Variants in CHCHD10 observed in about 807,000 individuals in gnomAD.
The protein encoded by CHCHD10 is coiled-coil-helix-coiled-coil-helix domain containing 10.
A neutral mutation model predicts 14.8 loss-of-function variants in CHCHD10; 10 were observed. The ratio of observed to expected loss-of-function variants is 0.67; its 90% CI spans 0.42 to 1.14. The LOEUF is 1.14. Among genes scored for constraint, CHCHD10 ranks in the 50% most tolerant of loss-of-function variants. The pLI is 0.00. For synonymous variants in CHCHD10, 90 were observed against 85.2 expected (o/e 1.06, Z -0.31); for missense variants, 203 against 196.9 (o/e 1.03, Z -0.19).
At chr22:23,766,473 G>A (rs1273983571) in intron 2 of CHCHD10, 198 bp from the exon 3 acceptor site, 1 of 525,322 alleles carries the variant, frequency 1.9e-6, no homozygotes, top group African/African-American at 2.3e-5. Context: ...TTTTTTTTGA[G>A]ACAGAGTCTC....
At chr22:23,766,641 A>AG (rs1041070069) in intron 2 of CHCHD10, among the ~76,000 whole-genome samples, 87 of 151,778 alleles carry the variant, frequency 5.7e-4, no homozygotes, top group African/African-American at 2.0e-3. Flanking sequence ...TTTAGTAGAG[A>AG]GGGGGTTTCA....
chr22:23,767,916 A>G lies in CHCHD10; in HGVS notation c.-42T>C, dbSNP rs1235334108. ...CCCGGGCGACCTTAGAGACGGCGGC[A>G]GCGGTGCTGTCGCGGGGACAAATGC... On this transcript the variant is annotated 5_prime_UTR_variant, in exon 1 of 4. Coordinates refer to ENST00000484558, the MANE Select transcript of CHCHD10 (RefSeq NM_213720.3). 1 of 1,451,992 alleles carries G rather than the reference A, an allele frequency of 6.9e-7. No homozygotes were observed. Among genetic ancestry groups the G allele is most frequent in the Non-Finnish European group, 9.1e-7 (1 of 1,097,160 alleles). The allele number at this position is 1,451,992 out of a possible 1,614,324, so 89.9% of individuals were successfully genotyped here. A position where few individuals can be genotyped will look rare whatever the true frequency, so the allele number is the denominator to read the frequency against.
chr22:23,767,792 T>C, intron 1 of CHCHD10, 42 bp downstream of exon 1: 2 of 1,504,990 alleles, frequency 1.3e-6, no homozygotes, highest in Non-Finnish European at 1.8e-6. Flanking sequence ...GTGCCCACAC[T>C]TCCCTAACCC....
chr22:23,767,770 G>A (rs1236002587), intron 1 of CHCHD10, 64 bp downstream of exon 1: 2 of 1,347,456 alleles, frequency 1.5e-6, no homozygotes, highest in Non-Finnish European at 2.0e-6. Context: ...CTCTGCGGAC[G>A]CCCTTAGGGG....
In CHCHD10 at chr22:23,765,888, G is replaced by A. The variant is rs1926725233; in HGVS notation, c.*119C>T. 1 of 1,571,278 alleles carries A rather than the reference G, an allele frequency of 6.4e-7. No homozygotes were observed. The highest frequency in any genetic ancestry group is 2.3e-5 in the East Asian group (1 of 44,270). The stretch of plus-strand genomic sequence containing the variant: ...ATTTGTGTCTTGGGTTATCTGTGGG[G>A]TGAGAAACCTCCTCACTTCCAATCC... On this transcript the variant is annotated 3_prime_UTR_variant, in exon 4 of 4. Coordinates refer to ENST00000484558, the MANE Select transcript of CHCHD10 (RefSeq NM_213720.3).
Position 23,766,117 on chromosome 22 carries a change from C to G in CHCHD10, c.409+11G>C, listed in dbSNP as rs745652443. ...CCCCCTCCCCGCCTGAGTCGGGGTC[C>G]ACTCACTCACCATGGTAGTACTTGC... On this transcript the variant is annotated intron_variant, in intron 3 of 3. Coordinates refer to ENST00000484558, the MANE Select transcript of CHCHD10 (RefSeq NM_213720.3). 13 of 1,613,406 alleles carry G rather than the reference C, an allele frequency of 8.1e-6. No homozygotes were observed. The highest frequency in any genetic ancestry group is 1.1e-5 in the Non-Finnish European group (13 of 1,179,652).
chr22:23,766,906 C>G (rs1259038272), intron 2 of CHCHD10, among the ~76,000 whole-genome samples: 1 of 152,226 alleles, frequency 6.6e-6, no homozygotes, highest in Non-Finnish European at 1.5e-5. Context: ...CCTCATGACC[C>G]CTGACCTAGC....
Position 23,765,971 on chromosome 22 carries a change from G to A in CHCHD10, c.*36C>T. 6.2e-7 allele frequency: 1 copy of A among 1,612,886 alleles called. No individual in the cohort carries two copies. Among genetic ancestry groups the A allele is most frequent in the South Asian group, 1.1e-5 (1 of 90,990 alleles). The stretch of plus-strand genomic sequence containing the variant: ...TGGCTGTCGGCGAGGGGTAGAGGTG[G>A]GTGCAGGACTGGCCCCCGAGTCTGC... On this transcript the variant is annotated 3_prime_UTR_variant, in exon 4 of 4. Coordinates refer to ENST00000484558, the MANE Select transcript of CHCHD10 (RefSeq NM_213720.3).
intron 2 of CHCHD10, 176 bp from the exon 3 acceptor site, chr22:23,766,451 C>CTTTT (rs131440): frequency 1.2e-5 from 5 of 413,406 alleles, no homozygotes; most frequent in South Asian, 2.7e-5. Context: ...TTTCTGCTGC[C>CTTTT]TTTTTTTTTT....
Position 23,767,356 on chromosome 22 carries a change from C to G in CHCHD10, c.261+18G>C. 6.2e-7 allele frequency: 1 copy of G among 1,603,760 alleles called. No individual in the cohort carries two copies. Among genetic ancestry groups the G allele is most frequent in the African/African-American group, 1.3e-5 (1 of 74,760 alleles). On this transcript the variant is annotated intron_variant, in intron 2 of 3. Coordinates refer to ENST00000484558, the MANE Select transcript of CHCHD10 (RefSeq NM_213720.3). ...TCGAGATAATCCTGCCTCAGTTTCT[C>G]TTGGACTCGCTGCTCACCTGCTGGA... is the stretch of plus-strand genomic sequence containing the variant.
chr22:23,767,765 C>A, intron 1 of CHCHD10, 69 bp downstream of exon 1: 3 of 1,332,368 alleles, frequency 2.3e-6, no homozygotes, highest in East Asian at 2.8e-5. Flanking sequence ...GGTCACTCTG[C>A]GGACGCCCTT....
chr22:23,767,581 C>T lies in CHCHD10; in HGVS notation c.54G>A (p.Ala18=), dbSNP rs1344583612. The T allele has an allele frequency of 1.6e-6, 2 of 1,228,772 alleles. No homozygotes were observed. Among genetic ancestry groups the T allele is most frequent in the Non-Finnish European group, 2.1e-6 (2 of 944,094 alleles). 76.1% of individuals were successfully genotyped at this position (1,228,772 alleles called of 1,614,324 possible). Residue 18 remains alanine, a synonymous_variant, in exon 2 of 4, where the codon GCG becomes GCA. Transcript: ENST00000484558. ...AASRPASRPA[A]PSAHPPAHPP... is the part of the protein sequence containing the mutation. The stretch of plus-strand genomic sequence containing the variant: ...GGTGCGCGGGCGGGTGGGCAGAGGG[C>T]GCGGCTGGGCGGCTGCGGGGGTGGG...
chr22:23,766,332 C>A (rs755979336), intron 2 of CHCHD10, 57 bp from the exon 3 acceptor site: 2 of 1,479,202 alleles, frequency 1.4e-6, no homozygotes, highest in South Asian at 1.3e-5. Flanking sequence ...CCTGGAGGTG[C>A]GTTTCAAACC....
At chr22:23,766,090 C>G in intron 3 of CHCHD10, 38 bp downstream of exon 3, 1 of 1,613,226 alleles carries the variant, frequency 6.2e-7, no homozygotes. Flanking sequence ...GGGTTGGCCT[C>G]TCCCCCTCCC....
chr22:23,765,896 C>A lies in CHCHD10; in HGVS notation c.*111G>T. ...CTTGGGTTATCTGTGGGGTGAGAAACCTCCTCACTTCCAATCCCAGCTATC... is the reference window on the plus strand; with the variant it reads ...CTTGGGTTATCTGTGGGGTGAGAAAACTCCTCACTTCCAATCCCAGCTATC... On this transcript the variant is annotated 3_prime_UTR_variant, in exon 4 of 4. Transcript: ENST00000484558. 1 of 1,576,968 alleles carries A rather than the reference C, an allele frequency of 6.3e-7. No individual in the cohort carries two copies. The highest frequency in any genetic ancestry group is 8.7e-7 in the Non-Finnish European group (1 of 1,151,058).
At position 23,767,908 on chromosome 22, in the gene CHCHD10, A is replaced by G; in HGVS notation, c.-34T>C. The stretch of plus-strand genomic sequence containing the variant: ...CGGTGGGACCCGGGCGACCTTAGAG[A>G]CGGCGGCAGCGGTGCTGTCGCGGGG... On this transcript the variant is annotated 5_prime_UTR_variant, in exon 1 of 4. Coordinates refer to ENST00000484558, the MANE Select transcript of CHCHD10 (RefSeq NM_213720.3). 6.8e-7 allele frequency: 1 copy of G among 1,472,006 alleles called. No homozygotes were observed. The highest frequency in any genetic ancestry group is 9.0e-7 in the Non-Finnish European group (1 of 1,108,606). The allele number at this position is 1,472,006 out of a possible 1,614,324, so 91.2% of individuals were successfully genotyped here.
rs760677517 is a variant in CHCHD10, at chr22:23,767,860, G to A, written c.15C>T (p.Ser5=). MPRG[S]RSAASRPASR... is the part of the protein sequence containing the mutation. ...TGGCTGGCCGGGAGGCCGCGCTGCGGCTTCCCCGAGGCATGGTGGCGGCGG... is the reference window on the plus strand; with the variant it reads ...TGGCTGGCCGGGAGGCCGCGCTGCGACTTCCCCGAGGCATGGTGGCGGCGG... Residue 5 remains serine (S), a synonymous_variant, in exon 1 of 4, where the codon AGC becomes AGT. Transcript: ENST00000484558. 1 of 1,519,192 alleles carries A rather than the reference G, an allele frequency of 6.6e-7. No homozygotes were observed. Among genetic ancestry groups the A allele is most frequent in the Non-Finnish European group, 8.8e-7 (1 of 1,133,234 alleles). The allele number at this position is 1,519,192 out of a possible 1,614,324, so 94.1% of individuals were successfully genotyped here. A position where few individuals can be genotyped will look rare whatever the true frequency, so the allele number is the denominator to read the frequency against.
At position 23,767,587 on chromosome 22, in the gene CHCHD10, T is replaced by TGCG. The variant is rs1926953151; in HGVS notation, c.47_48insCGC (p.Ala18dup). 1.8e-6 allele frequency: 2 copies of TGCG among 1,138,662 alleles called. No homozygotes were observed. Among genetic ancestry groups the TGCG allele is most frequent in the African/African-American group, 3.3e-5 (2 of 61,146 alleles). The allele number at this position is 1,138,662 out of a possible 1,614,324, so 70.5% of individuals were successfully genotyped here. ...CGGGCGGGTGGGCAGAGGGCGCGGCTGGGCGGCTGCGGGGGTGGGAGGAAG... is the reference window on the plus strand; with the variant it reads ...CGGGCGGGTGGGCAGAGGGCGCGGCTGCGGGGCGGCTGCGGGGGTGGGAGGAAG... On this transcript the variant is annotated inframe_insertion, in exon 2 of 4. Coordinates refer to ENST00000484558, the MANE Select transcript of CHCHD10 (RefSeq NM_213720.3).
chr22:23,767,564 G>T lies in CHCHD10; in HGVS notation c.71C>A (p.Pro24His). 1 of 1,371,546 alleles carries T rather than the reference G, an allele frequency of 7.3e-7. No homozygotes were observed. Among genetic ancestry groups the T allele is most frequent in the Non-Finnish European group, 9.4e-7 (1 of 1,063,942 alleles). The allele number at this position is 1,371,546 out of a possible 1,614,324, so 85.0% of individuals were successfully genotyped here. A position where few individuals can be genotyped will look rare whatever the true frequency, so the allele number is the denominator to read the frequency against. ...SRPAAPSAHP[P>H]AHPPPSAAAP... ...GGCTGCCGAGGGCGGTGGGTGCGCG[G>T]GCGGGTGGGCAGAGGGCGCGGCTGG... Residue 24 changes from proline (P) to histidine (H), a missense_variant, in exon 2 of 4, where the codon CCC becomes CAC. Pro to His is a moderately conservative substitution (Grantham distance 77). Coordinates refer to ENST00000484558, the MANE Select transcript of CHCHD10 (RefSeq NM_213720.3).
Sources: allele counts gnomAD v4.1 joint callset (sites outside exome capture counted in the v4.1 genomes callset), GRCh38; gene constraint gnomAD v4.1.1; transcripts MANE v1.5; gene names NCBI Gene and HGNC (gene_info 2026-07-23, HGNC 2026-07-21).